Variants in SLC3A1 observed in about 807,000 individuals in gnomAD.
The protein encoded by SLC3A1 is amino acid transporter heavy chain SLC3A1.
SLC3A1 carries 78 observed loss-of-function variants against 60.3 expected under a neutral mutation model. The ratio of observed to expected loss-of-function variants is 1.29; its 90% CI spans 1.08 to 1.56. The LOEUF (loss-of-function observed/expected upper bound fraction) is 1.56. SLC3A1 is among the 40% of genes most tolerant of loss of function. The probability of loss-of-function intolerance (pLI) is 0.00; values close to 1 mark genes in which losing one functional copy is unlikely to be tolerated. For missense variants in SLC3A1, 1,172 were observed against 858.9 expected (o/e 1.36, Z -4.56); for synonymous variants, 392 against 307.9 (o/e 1.27, Z -2.86).
At chr2:44,297,831 C>T (rs1224361713) in intron 4 of SLC3A1, among the ~76,000 whole-genome samples, 2 of 152,176 alleles carry the variant, frequency 1.3e-5, no homozygotes, top group African/African-American at 4.8e-5. Flanking sequence ...CTCCTGGGCT[C>T]AAGCGATCCT....
rs1558481546 is a variant in SLC3A1, at chr2:44,321,465, A to G, written c.*826A>G. 2.5e-6 allele frequency: 4 copies of G among 1,605,474 alleles called. No homozygotes were observed. The highest frequency in any genetic ancestry group is 2.7e-5 in the African/African-American group (2 of 74,766). On this transcript the variant is annotated 3_prime_UTR_variant, in exon 10 of 10. Coordinates refer to ENST00000260649, the MANE Select transcript of SLC3A1 (RefSeq NM_000341.4). Reference sequence around the variant, plus strand: ...TGTAATCTAAAAGAAACACATTAAAAAAATTAAATAGAAGGCCTTTGTAGT... The same window carrying G: ...TGTAATCTAAAAGAAACACATTAAAGAAATTAAATAGAAGGCCTTTGTAGT...
chr2:44,318,010 G>C (rs977061485), intron 9 of SLC3A1: 4 of 347,274 alleles, frequency 1.2e-5, no homozygotes, highest in African/African-American at 4.6e-5. Context: ...AAAAAATGAA[G>C]TTATCTTTTG....
intron 4 of SLC3A1, among the ~76,000 whole-genome samples, chr2:44,287,707 T>G (rs927201117): frequency 1.3e-5 from 2 of 152,176 alleles, no homozygotes; most frequent in Admixed American, 6.5e-5. Flanking sequence ...TTCTTGTTCT[T>G]GTTCTTGCTG....
At chr2:44,305,187 C>T (rs7580016) in intron 7 of SLC3A1, among the ~76,000 whole-genome samples, 9,513 of 152,090 alleles carry the variant, frequency 0.063, 762 homozygotes, top group African/African-American at 0.19. Context: ...ACAGAAGATA[C>T]AGCAATACAT....
At chr2:44,306,697 G>A (rs1398808666) in intron 7 of SLC3A1, among the ~76,000 whole-genome samples, 3 of 151,232 alleles carry the variant, frequency 2.0e-5, no homozygotes, top group Non-Finnish European at 4.4e-5. Flanking sequence ...GGGATTACAG[G>A]TGCCCACCAC....
chr2:44,279,577 A>G (rs1671443588), intron 1 of SLC3A1, among the ~76,000 whole-genome samples: 1 of 152,198 alleles, frequency 6.6e-6, no homozygotes, highest in Non-Finnish European at 1.5e-5. Context: ...CCCAAAAGAA[A>G]TACAATGGGA....
intron 4 of SLC3A1, among the ~76,000 whole-genome samples, chr2:44,289,584 T>C (rs556534206): frequency 3.5e-4 from 53 of 152,276 alleles, no homozygotes; most frequent in African/African-American, 1.2e-3. Flanking sequence ...ACTTTCTTGA[T>C]GGTGCCTTTT....
chr2:44,301,725 C>T (rs1467767924), intron 6 of SLC3A1, among the ~76,000 whole-genome samples: 27 of 116,106 alleles, frequency 2.3e-4, no homozygotes, highest in Admixed American at 1.4e-3. Flanking sequence ...GGCGACAGAG[C>T]GAGACTCCAT....
chr2:44,290,359 G>A (rs1023982906), intron 4 of SLC3A1, among the ~76,000 whole-genome samples: 2 of 152,130 alleles, frequency 1.3e-5, no homozygotes, highest in Non-Finnish European at 2.9e-5. Flanking sequence ...TTGAAATCGG[G>A]AAGTGAGAAT....
At position 44,281,367 on chromosome 2, in the gene SLC3A1, A is replaced by C; in HGVS notation, c.611-20A>C. ...TAATACAATCTTTCCCTAGCATTTGAAATGTCTTTTACTCATTAGGTTTAA... is the reference window on the plus strand; with the variant it reads ...TAATACAATCTTTCCCTAGCATTTGCAATGTCTTTTACTCATTAGGTTTAA... On this transcript the variant is annotated intron_variant, in intron 2 of 9. Coordinates refer to ENST00000260649, the MANE Select transcript of SLC3A1 (RefSeq NM_000341.4). 1 of 1,598,256 alleles carries C rather than the reference A, an allele frequency of 6.3e-7. No individual in the cohort carries two copies. Among genetic ancestry groups the C allele is most frequent in the Non-Finnish European group, 8.6e-7 (1 of 1,167,378 alleles).
downstream of SLC3A1, chr2:44,321,799 G>C: frequency 6.2e-7 from 1 of 1,613,792 alleles, no homozygotes; most frequent in Non-Finnish European, 8.5e-7. Flanking sequence ...TCGGGAATCT[G>C]TCCACTGAGA....
intron 3 of SLC3A1, chr2:44,285,009 A>T (rs1456651064): frequency 6.6e-6 from 1 of 152,118 alleles, no homozygotes; most frequent in Non-Finnish European, 1.5e-5. Flanking sequence ...TTAAGTGTCC[A>T]TTTCTGTGAA....
At position 44,308,245 on chromosome 2, in the gene SLC3A1, T is replaced by G. The variant is rs553627835; in HGVS notation, c.1332+3907T>G. Among the ~76,000 whole-genome samples, 5 of 152,354 alleles carry G rather than the reference T, an allele frequency of 3.3e-5. No homozygotes were observed. In the South Asian group the frequency reaches 8.3e-4, roughly 25 times the overall value. ...CTATGCCTGAACACCCTGAGTTGAT[T>G]AGTGTAGCTTAGTAAGTTTTGACAT... On this transcript the variant is annotated intron_variant, in intron 7 of 9. Transcript: ENST00000260649.
intron 6 of SLC3A1, 139 bp downstream of exon 6, chr2:44,301,266 G>A: frequency 1.8e-6 from 2 of 1,114,584 alleles, no homozygotes; most frequent in Non-Finnish European, 2.7e-6. Flanking sequence ...CAGTTTGGTT[G>A]TACCAGGGCC....
At chr2:44,304,100 T>C in intron 6 of SLC3A1, 43 bp from the exon 7 acceptor site, 1 of 1,535,544 alleles carries the variant, frequency 6.5e-7, no homozygotes, top group Non-Finnish European at 9.0e-7. Flanking sequence ...TTCCCAGTCT[T>C]CTGACAGGCC....
At chr2:44,285,625 G>T in intron 3 of SLC3A1, 1 of 474,016 alleles carries the variant, frequency 2.1e-6, no homozygotes, top group Non-Finnish European at 4.4e-6. Flanking sequence ...AGTCTATCTG[G>T]GCTCAAGCTC....
In SLC3A1 at chr2:44,275,818, G is replaced by T; in HGVS notation, c.283G>T (p.Ala95Ser). The T allele has an allele frequency of 1.2e-6, 2 of 1,614,262 alleles. No homozygotes were observed. The highest frequency in any genetic ancestry group is 1.7e-6 in the Non-Finnish European group (2 of 1,180,052). ...PREILFWLTV[A>S]SVLVLIAATI... The stretch of plus-strand genomic sequence containing the variant: ...GGAGATCCTCTTCTGGCTCACAGTG[G>T]CTTCTGTGCTGGTGCTCATCGCGGC... Residue 95 changes from alanine (A) to serine (S), a missense_variant, in exon 1 of 10, where the codon GCT becomes TCT. Coordinates refer to ENST00000260649, the MANE Select transcript of SLC3A1 (RefSeq NM_000341.4).
downstream of SLC3A1, chr2:44,321,585 G>C (rs185887199): frequency 2.0e-4 from 299 of 1,491,566 alleles, no homozygotes; most frequent in East Asian, 1.7e-3. Context: ...TCGAGAGAGA[G>C]GCAGAAGGCT....
Position 44,292,160 on chromosome 2 carries a change from G to A in SLC3A1, c.891+6003G>A, listed in dbSNP as rs548436415. 2.0e-5 allele frequency among the ~76,000 whole-genome samples: 3 copies of A among 152,152 alleles called. No individual in the cohort carries two copies. In the East Asian group the frequency reaches 5.8e-4, roughly 29 times the overall value. ...CCAGATGGCCTGGCCTCGTATCTGGGGTTTGGAGTGATCCTACACCTGCCA... is the reference window on the plus strand; with the variant it reads ...CCAGATGGCCTGGCCTCGTATCTGGAGTTTGGAGTGATCCTACACCTGCCA... On this transcript the variant is annotated intron_variant, in intron 4 of 9. Coordinates refer to ENST00000260649, the MANE Select transcript of SLC3A1 (RefSeq NM_000341.4).
Sources: gnomAD v4.1 joint callset for allele counts (sites outside exome capture counted in the v4.1 genomes callset) on GRCh38, gnomAD v4.1.1 for gene constraint, MANE v1.5 for transcripts, NCBI Gene and HGNC (gene_info 2026-07-23, HGNC 2026-07-21) for gene names.